Variants in PDE8B observed in about 807,000 individuals in gnomAD.
PDE8B encodes the protein phosphodiesterase 8B.
A neutral mutation model predicts 101.3 loss-of-function variants in PDE8B; 26 were observed. That is an observed-to-expected ratio of 0.26 (90% CI 0.19 to 0.36). The LOEUF (loss-of-function observed/expected upper bound fraction) is 0.36. Among genes scored for constraint, PDE8B ranks in the 10% least tolerant of loss-of-function variants. The probability of loss-of-function intolerance (pLI) is 1.00; values close to 1 mark genes in which losing one functional copy is unlikely to be tolerated. For missense variants in PDE8B, 810 were observed against 1,163.1 expected (o/e 0.70, Z 4.42); for synonymous variants, 424 against 429.3 (o/e 0.99, Z 0.15).
chr5:77,396,039 C>T (rs140190090), intron 10 of PDE8B, among the ~76,000 whole-genome samples: 8 of 152,204 alleles, frequency 5.3e-5, no homozygotes, highest in African/African-American at 1.9e-4. Context: ...AGCTGGGGAT[C>T]GTGCATCAAC....
chr5:77,401,254 A>AT (rs1314749165), intron 11 of PDE8B, among the ~76,000 whole-genome samples: 1 of 152,058 alleles, frequency 6.6e-6, no homozygotes, highest in Non-Finnish European at 1.5e-5. Context: ...ACACAGGTGC[A>AT]TTTTCTCTCT....
the PDE8B span, among the ~76,000 whole-genome samples, chr5:77,091,892 T>G: frequency 1.3e-5 from 2 of 152,198 alleles, no homozygotes; most frequent in African/African-American, 4.8e-5. Context: ...TAGTAAGTGC[T>G]GGTTATGGGC....
chr5:77,386,907 C>T (rs546947115), intron 10 of PDE8B, among the ~76,000 whole-genome samples: 1,569 of 83,208 alleles, frequency 0.019, 42 homozygotes, highest in African/African-American at 0.079. Flanking sequence ...GACGGAGTCT[C>T]GCTCTGTCGC....
chr5:77,241,696 C>T (rs969443430), intron 1 of PDE8B, among the ~76,000 whole-genome samples: 1 of 152,226 alleles, frequency 6.6e-6, no homozygotes, highest in Non-Finnish European at 1.5e-5. Flanking sequence ...CTCCCTCTCT[C>T]ATGAGATCAT....
the PDE8B span, among the ~76,000 whole-genome samples, chr5:77,149,661 C>A: frequency 1.3e-5 from 2 of 152,060 alleles, no homozygotes; most frequent in Non-Finnish European, 2.9e-5. Context: ...CTTGACATTG[C>A]TGATATATAC....
At chr5:77,426,309 G>A (rs2151252313) in intron 21 of PDE8B, 136 bp from the exon 22 acceptor site, 3 of 706,284 alleles carry the variant, frequency 4.2e-6, no homozygotes, top group Admixed American at 2.1e-5. Context: ...AGTGTTTAAT[G>A]ACTTGTCCTC....
chr5:77,125,580 G>A, the PDE8B span, among the ~76,000 whole-genome samples: 1 of 152,270 alleles, frequency 6.6e-6, no homozygotes, highest in East Asian at 1.9e-4. Context: ...CAAAACAGAC[G>A]AATGGATGTA....
the PDE8B span, among the ~76,000 whole-genome samples, chr5:77,157,422 T>C: frequency 6.6e-6 from 1 of 152,132 alleles, no homozygotes; most frequent in Non-Finnish European, 1.5e-5. Context: ...AGAAAGGAAA[T>C]ACATTGTTCA....
At chr5:77,267,998 G>A (rs1762084120) in intron 1 of PDE8B, among the ~76,000 whole-genome samples, 1 of 151,714 alleles carries the variant, frequency 6.6e-6, no homozygotes, top group East Asian at 1.9e-4. Flanking sequence ...GCATTTTCAT[G>A]TTGAAAATTA....
intron 5 of PDE8B, among the ~76,000 whole-genome samples, chr5:77,333,163 T>C (rs1467430044): frequency 1.3e-5 from 2 of 152,146 alleles, no homozygotes; most frequent in Non-Finnish European, 2.9e-5. Context: ...AGCAATATTT[T>C]TCACGCTCCT....
At chr5:77,222,433 C>A (rs1445268344) in intron 1 of PDE8B, among the ~76,000 whole-genome samples, 1 of 152,054 alleles carries the variant, frequency 6.6e-6, no homozygotes, top group African/African-American at 2.4e-5. Context: ...ACTATCCTGA[C>A]CAACATGGTG....
the PDE8B span, among the ~76,000 whole-genome samples, chr5:77,204,754 G>A: frequency 7.2e-5 from 11 of 152,206 alleles, no homozygotes; most frequent in South Asian, 2.1e-4. Flanking sequence ...CTGAGATGCC[G>A]CCTTCTTCCC....
At chr5:77,398,783 G>A (rs967047252) in intron 10 of PDE8B, among the ~76,000 whole-genome samples, 7 of 152,130 alleles carry the variant, frequency 4.6e-5, no homozygotes, top group African/African-American at 1.4e-4. Flanking sequence ...CCACACTCAC[G>A]GGGTGGTCCA....
the PDE8B span, among the ~76,000 whole-genome samples, chr5:77,172,670 C>G: frequency 7.0e-4 from 106 of 152,244 alleles, 1 homozygote; most frequent in African/African-American, 2.5e-3. Context: ...AGAAATAAGA[C>G]AGAAACAGCC....
the PDE8B span, among the ~76,000 whole-genome samples, chr5:77,107,267 T>G: frequency 2.0e-5 from 3 of 152,212 alleles, no homozygotes; most frequent in African/African-American, 7.2e-5. Context: ...TTCCTTGGTG[T>G]GTATGTGCCA....
chr5:77,290,610 G>T, intron 1 of PDE8B: 1 of 1,509,376 alleles, frequency 6.6e-7, no homozygotes, highest in East Asian at 2.3e-5. Flanking sequence ...CTTAGTGGAA[G>T]GTGTGGGTGA....
At chr5:77,357,284 C>G (rs1468223462) in intron 10 of PDE8B, among the ~76,000 whole-genome samples, 1 of 152,140 alleles carries the variant, frequency 6.6e-6, no homozygotes, top group Non-Finnish European at 1.5e-5. Flanking sequence ...AGTCATCATC[C>G]CTGCTTGTCT....
At chr5:77,273,971 C>T (rs969851305) in intron 1 of PDE8B, among the ~76,000 whole-genome samples, 1 of 151,844 alleles carries the variant, frequency 6.6e-6, no homozygotes, top group South Asian at 2.1e-4. Flanking sequence ...TACAGACATG[C>T]GCCACTATGC....
intron 7 of PDE8B, among the ~76,000 whole-genome samples, chr5:77,348,464 C>G (rs559775662): frequency 1.3e-5 from 2 of 152,064 alleles, no homozygotes; most frequent in Non-Finnish European, 1.5e-5. Flanking sequence ...CAGAATCTGC[C>G]GAGGGGAGCT....
Sources: gnomAD v4.1 joint callset for allele counts (sites outside exome capture counted in the v4.1 genomes callset) on GRCh38, gnomAD v4.1.1 for gene constraint, MANE v1.5 for transcripts, NCBI Gene and HGNC (gene_info 2026-07-23, HGNC 2026-07-21) for gene names.